The following DNAJC1 variants were observed in gnomAD, a reference collection of about 807,000 sequenced individuals.
DNAJC1 encodes the protein DnaJ heat shock protein family (Hsp40) member C1.
In DNAJC1, 58 loss-of-function variants were observed where a neutral mutation model predicts 76.6. That is an observed-to-expected ratio of 0.76 (90% CI 0.61 to 0.94). DNAJC1 has a LOEUF of 0.94. DNAJC1 is among the 40% of genes least tolerant of loss of function. The pLI is 0.00. For missense variants in DNAJC1, 689 were observed against 677.3 expected, an observed-to-expected ratio of 1.02 and a Z score of -0.19; for synonymous variants, 258 against 267.9, an observed-to-expected ratio of 0.96 and a Z score of 0.36.
At chr10:21,808,691 T>C (rs1039281496) in intron 8 of DNAJC1, among the ~76,000 whole-genome samples, 2 of 152,198 alleles carry the variant, frequency 1.3e-5, no homozygotes, top group Admixed American at 6.6e-5. Flanking sequence ...AGGGTGGCCA[T>C]GGTGTGAATG....
chr10:21,981,699 C>T (rs957505893), intron 1 of DNAJC1, among the ~76,000 whole-genome samples: 4 of 152,076 alleles, frequency 2.6e-5, no homozygotes, highest in Admixed American at 6.6e-5. Flanking sequence ...TTTCAGCAGA[C>T]GGTGCCAGGA....
chr10:21,759,640 A>G (rs190956668), intron 10 of DNAJC1, 22 bp from the exon 11 acceptor site: 1 of 1,604,808 alleles, frequency 6.2e-7, no homozygotes, highest in East Asian at 2.2e-5. Flanking sequence ...GGTGTGCCAC[A>G]CAGAGGTGAA....
intron 1 of DNAJC1, among the ~76,000 whole-genome samples, chr10:21,998,620 T>C (rs997639971): frequency 6.6e-6 from 1 of 152,096 alleles, no homozygotes; most frequent in African/African-American, 2.4e-5. Flanking sequence ...TGCCCTATTA[T>C]TAAAGTCATT....
chr10:21,789,977 T>C (rs1385107004), intron 9 of DNAJC1, among the ~76,000 whole-genome samples: 4 of 116,602 alleles, frequency 3.4e-5, no homozygotes, highest in South Asian at 2.8e-4. Flanking sequence ...GCCACTACAC[T>C]CCAGCCTGGG....
At chr10:21,837,628 C>T (rs1232254007) in intron 8 of DNAJC1, among the ~76,000 whole-genome samples, 23 of 150,598 alleles carry the variant, frequency 1.5e-4, no homozygotes, top group African/African-American at 4.9e-4. Flanking sequence ...GGAGCCCCTC[C>T]GCCCGGCAGC....
chr10:21,813,178 CTCTCTCTCTCTCTCT>C (rs1835006363), intron 8 of DNAJC1, among the ~76,000 whole-genome samples: 1 of 12,410 alleles, frequency 8.1e-5, no homozygotes, highest in African/African-American at 5.0e-4. Flanking sequence ...CTCTCTCCCT[CTCTCTCTCTCTCTCT>C]CTCTCTCTCT....
chr10:21,997,731 G>C (rs1838443173), intron 1 of DNAJC1, among the ~76,000 whole-genome samples: 1 of 152,008 alleles, frequency 6.6e-6, no homozygotes, highest in African/African-American at 2.4e-5. Context: ...GAGCTTAAAA[G>C]GTTTATTAAT....
intron 8 of DNAJC1, among the ~76,000 whole-genome samples, chr10:21,843,293 G>C (rs1835601631): frequency 6.6e-6 from 1 of 151,798 alleles, no homozygotes; most frequent in Non-Finnish European, 1.5e-5. Flanking sequence ...CCAGCTTTTA[G>C]GTAAAGAGCT....
chr10:21,763,307 A>G (rs1834261492), intron 10 of DNAJC1, among the ~76,000 whole-genome samples: 2 of 152,222 alleles, frequency 1.3e-5, no homozygotes, highest in South Asian at 4.1e-4. Flanking sequence ...TTAAAAATCC[A>G]TCTTTATTTT....
At chr10:21,798,075 C>T (rs1834768365) in intron 9 of DNAJC1, among the ~76,000 whole-genome samples, 1 of 152,156 alleles carries the variant, frequency 6.6e-6, no homozygotes, top group African/African-American at 2.4e-5. Context: ...AAACAATGCA[C>T]CTTACACACA....
chr10:21,766,175 C>A, intron 10 of DNAJC1, 86 bp downstream of exon 10: 1 of 1,059,858 alleles, frequency 9.4e-7, no homozygotes, highest in Non-Finnish European at 1.4e-6. Flanking sequence ...CTTCTAGACC[C>A]TTGTATTTAA....
intron 8 of DNAJC1, among the ~76,000 whole-genome samples, chr10:21,821,196 G>A (rs1035487163): frequency 6.6e-6 from 1 of 152,032 alleles, no homozygotes; most frequent in Non-Finnish European, 1.5e-5. Flanking sequence ...TCCTGCTTTG[G>A]GCAGGTGAAA....
chr10:21,768,257 T>C (rs1019279946), intron 9 of DNAJC1, among the ~76,000 whole-genome samples: 2 of 152,226 alleles, frequency 1.3e-5, no homozygotes, highest in Non-Finnish European at 2.9e-5. Flanking sequence ...CTATTATATT[T>C]TTCTATATTT....
At chr10:21,809,475 A>G (rs1379540512) in intron 8 of DNAJC1, among the ~76,000 whole-genome samples, 1 of 151,552 alleles carries the variant, frequency 6.6e-6, no homozygotes, top group Non-Finnish European at 1.5e-5. Context: ...ATTTTATCCA[A>G]GAAAATAACA....
At chr10:21,936,276 T>C (rs776636180) in intron 1 of DNAJC1, among the ~76,000 whole-genome samples, 2 of 152,214 alleles carry the variant, frequency 1.3e-5, no homozygotes, top group East Asian at 3.8e-4. Flanking sequence ...TACCTTGATC[T>C]TGGACTTCCC....
At chr10:21,780,218 A>C (rs897615630) in intron 9 of DNAJC1, among the ~76,000 whole-genome samples, 2 of 152,228 alleles carry the variant, frequency 1.3e-5, no homozygotes, top group African/African-American at 2.4e-5. Context: ...AGGCAGGCCA[A>C]CATTCAAATT....
At chr10:21,770,676 G>T (rs1027191604) in intron 9 of DNAJC1, among the ~76,000 whole-genome samples, 1 of 152,204 alleles carries the variant, frequency 6.6e-6, no homozygotes, top group African/African-American at 2.4e-5. Context: ...TGGGAGTACA[G>T]GCGTAAGCCA....
chr10:21,809,664 T>C (rs1264273378), intron 8 of DNAJC1, among the ~76,000 whole-genome samples: 2 of 152,002 alleles, frequency 1.3e-5, no homozygotes, highest in African/African-American at 2.4e-5. Flanking sequence ...GGATGTCTAA[T>C]AATCTAATTA....
chr10:21,949,972 A>T (rs1837564228), intron 1 of DNAJC1, among the ~76,000 whole-genome samples: 1 of 151,590 alleles, frequency 6.6e-6, no homozygotes, highest in African/African-American at 2.4e-5. Context: ...TCTTAGTCAA[A>T]TTTTCCATGT....
Sources: gnomAD v4.1 joint callset for allele counts (sites outside exome capture counted in the v4.1 genomes callset) on GRCh38, gnomAD v4.1.1 for gene constraint, MANE v1.5 for transcripts, NCBI Gene and HGNC (gene_info 2026-07-23, HGNC 2026-07-21) for gene names.